The following GID4 variants were observed in gnomAD, a reference collection of about 807,000 sequenced individuals.
GID4 encodes the protein GID complex subunit 4 homolog.
Under a neutral mutation model 32.4 loss-of-function variants are expected in GID4, and 7 were observed. That is an observed-to-expected ratio of 0.22 (90% CI 0.12 to 0.41). GID4 has a LOEUF of 0.41. GID4 is among the 10% of genes least tolerant of loss of function. The pLI is 1.00. For missense variants in GID4, 309 were observed against 400.0 expected (o/e 0.77, Z 1.94); for synonymous variants, 166 against 170.0 (o/e 0.98, Z 0.18).
Position 18,039,779 on chromosome 17 carries a change from CCCG to C in GID4, c.324_326del (p.Pro109del). The C allele has an allele frequency of 6.4e-7, 1 of 1,574,602 alleles. No individual in the cohort carries two copies. Among genetic ancestry groups the C allele is most frequent in the Admixed American group, 1.8e-5 (1 of 56,182 alleles). On this transcript the variant is annotated inframe_deletion, in exon 1 of 6. Coordinates refer to ENST00000268719, the MANE Select transcript of GID4 (RefSeq NM_024052.5). This position sits in a 1 kb window ranked among gnomAD's most constrained non-coding sequence, Gnocchi z 5.3. ...CCGCTGCCTCCGCGGCCTCACTCAT[CCCG>C]CCGCCGCCCATCAACACCCAGCAGC...
chr17:18,058,561 G>A (rs532247485), intron 3 of GID4, among the ~76,000 whole-genome samples: 5 of 152,246 alleles, frequency 3.3e-5, no homozygotes, highest in Admixed American at 6.5e-5. Flanking sequence ...CTTAGCTTTC[G>A]TCTGTTTATT....
intron 2 of GID4, among the ~76,000 whole-genome samples, chr17:18,050,439 G>T (rs1443296929): frequency 6.6e-6 from 1 of 152,210 alleles, no homozygotes; most frequent in East Asian, 1.9e-4. Context: ...CCTTTCCGGG[G>T]AACCCAGCAG....
intron 3 of GID4, among the ~76,000 whole-genome samples, chr17:18,056,021 A>G (rs966064282): frequency 2.6e-5 from 4 of 151,254 alleles, no homozygotes; most frequent in African/African-American, 9.7e-5. Context: ...TGCCTGGCTA[A>G]TTTTTGTATT....
chr17:18,063,280 C>T (rs1047594889), intron 5 of GID4, among the ~76,000 whole-genome samples: 2 of 151,236 alleles, frequency 1.3e-5, no homozygotes, highest in Non-Finnish European at 1.5e-5. Context: ...CGTGCTGGTA[C>T]GCACCTGTAG....
At chr17:18,053,765 T>A (rs2044937867) in intron 2 of GID4, among the ~76,000 whole-genome samples, 1 of 152,218 alleles carries the variant, frequency 6.6e-6, no homozygotes, top group Non-Finnish European at 1.5e-5. Flanking sequence ...CCTCTTTGGG[T>A]CTAACCTTGG....
Position 18,066,486 on chromosome 17 carries a change from A to C in GID4, c.*1243A>C, listed in dbSNP as rs878915044. ...TGTGTGTGTGTGTGTGTGTGTGTGT[A>C]TGATGTTTTGTTTTTTTAAATGTTT... is the stretch of plus-strand genomic sequence containing the variant. On this transcript the variant is annotated 3_prime_UTR_variant, in exon 6 of 6. Transcript: ENST00000268719. 1.7e-5 allele frequency: 2 copies of C among 119,272 alleles called. No individual in the cohort carries two copies. The highest frequency in any genetic ancestry group is 6.2e-5 in the African/African-American group (2 of 32,010). The allele number at this position is 119,272 out of a possible 1,614,324, so 7.4% of individuals were successfully genotyped here.
rs553267905 is a variant in GID4, at chr17:18,067,468, G to T, written c.*2225G>T. On this transcript the variant is annotated 3_prime_UTR_variant, in exon 6 of 6. Coordinates refer to ENST00000268719, the MANE Select transcript of GID4 (RefSeq NM_024052.5). ...TGATGAAGTGCACCCATTGTACTGG[G>T]AAGAATGAAGAGGTGATACCTTTAC... 6.6e-6 allele frequency: 1 copy of T among 152,234 alleles called. No individual in the cohort carries two copies. Among genetic ancestry groups the T allele is most frequent in the Non-Finnish European group, 1.5e-5 (1 of 68,030 alleles). The allele number at this position is 152,234 out of a possible 1,614,324, so 9.4% of individuals were successfully genotyped here. A position where few individuals can be genotyped will look rare whatever the true frequency, so the allele number is the denominator to read the frequency against.
intron 3 of GID4, chr17:18,056,810 G>T: frequency 3.2e-6 from 5 of 1,550,624 alleles, no homozygotes; most frequent in South Asian, 1.2e-5. Context: ...GTGAGGTGTG[G>T]TTGAGCCAGG....
chr17:18,066,048 T>C lies in GID4; in HGVS notation c.*805T>C, dbSNP rs2045059041. ...AGTTTTTTTATTACAAAATTATTTT[T>C]ATGGTCCCTTTAACGAGGACCCTAT... is the stretch of plus-strand genomic sequence containing the variant. On this transcript the variant is annotated 3_prime_UTR_variant, in exon 6 of 6. Coordinates refer to ENST00000268719, the MANE Select transcript of GID4 (RefSeq NM_024052.5). 6.6e-6 allele frequency: 1 copy of C among 152,398 alleles called. No individual in the cohort carries two copies. The highest frequency in any genetic ancestry group is 6.5e-5 in the Admixed American group (1 of 15,280). The allele number at this position is 152,398 out of a possible 1,614,324, so 9.4% of individuals were successfully genotyped here.
chr17:18,054,356 T>C (rs1488914371), intron 3 of GID4, 122 bp downstream of exon 3: 4 of 597,190 alleles, frequency 6.7e-6, no homozygotes, highest in African/African-American at 1.9e-5. Context: ...AGTAAAAGGT[T>C]GCACTGCACA....
Position 18,039,430 on chromosome 17 carries a change from G to C in GID4, c.-35G>C. On this transcript the variant is annotated 5_prime_UTR_variant, in exon 1 of 6. Coordinates refer to ENST00000268719, the MANE Select transcript of GID4 (RefSeq NM_024052.5). The surrounding 1 kb of genome is among the most constrained non-coding windows in gnomAD (Gnocchi z 5.3). Reference sequence around the variant, plus strand: ...GGTGTGTGTGTGTCTGTGTGTGTTTGTGTGTTGTGTGTCTGTGAGTGTCTG... The same window carrying C: ...GGTGTGTGTGTGTCTGTGTGTGTTTCTGTGTTGTGTGTCTGTGAGTGTCTG... 7.5e-7 allele frequency: 1 copy of C among 1,331,998 alleles called. No individual in the cohort carries two copies. The highest frequency in any genetic ancestry group is 9.8e-7 in the Non-Finnish European group (1 of 1,015,590). 82.5% of individuals were successfully genotyped at this position (1,331,998 alleles called of 1,614,324 possible). A position where few individuals can be genotyped will look rare whatever the true frequency, so the allele number is the denominator to read the frequency against.
intron 5 of GID4, among the ~76,000 whole-genome samples, chr17:18,062,844 G>A (rs1344423851): frequency 6.6e-6 from 1 of 151,982 alleles, no homozygotes; most frequent in Admixed American, 6.6e-5. Context: ...GGGAGGCCGA[G>A]GCGGGTGGAT....
At chr17:18,047,788 A>G (rs533203428) in intron 2 of GID4, among the ~76,000 whole-genome samples, 17 of 152,366 alleles carry the variant, frequency 1.1e-4, no homozygotes, top group African/African-American at 4.1e-4. Flanking sequence ...TTCTTTTTAA[A>G]TAATGTTTTT....
intron 5 of GID4, among the ~76,000 whole-genome samples, chr17:18,063,293 C>T (rs1016584818): frequency 6.6e-6 from 1 of 151,870 alleles, no homozygotes; most frequent in African/African-American, 2.4e-5. Context: ...ACCTGTAGTT[C>T]CAGCTACTCA....
intron 2 of GID4, among the ~76,000 whole-genome samples, chr17:18,051,341 C>T (rs1179867033): frequency 6.6e-6 from 1 of 152,160 alleles, no homozygotes; most frequent in Admixed American, 6.6e-5. Flanking sequence ...CATCCTATCC[C>T]TTTCAAGGAA....
chr17:18,043,102 T>TA (rs1312744405), intron 1 of GID4, among the ~76,000 whole-genome samples: 2 of 152,168 alleles, frequency 1.3e-5, no homozygotes, highest in African/African-American at 4.8e-5. Context: ...AAGGAATATT[T>TA]AAAAGAACAG....
In GID4 at chr17:18,066,156, GATATCT is replaced by G. The variant is rs201501556; in HGVS notation, c.*918_*923del. 0.013 allele frequency: 1,931 copies of G among 152,464 alleles called. 23 individuals are homozygous for G. Among genetic ancestry groups the G allele is most frequent in the South Asian group, 0.025 (122 of 4,806 alleles). The allele number at this position is 152,464 out of a possible 1,614,324, so 9.4% of individuals were successfully genotyped here. A position where few individuals can be genotyped will look rare whatever the true frequency, so the allele number is the denominator to read the frequency against. ...ATGTTGACTTAGTAATTTTTATATC[GATATCT>G]ATATGTATATGTATATTTAATCAAC... On this transcript the variant is annotated 3_prime_UTR_variant, in exon 6 of 6. Coordinates refer to ENST00000268719, the MANE Select transcript of GID4 (RefSeq NM_024052.5).
chr17:18,060,384 C>A (rs1210256093), intron 4 of GID4, among the ~76,000 whole-genome samples: 4 of 111,808 alleles, frequency 3.6e-5, no homozygotes, highest in African/African-American at 1.4e-4. Flanking sequence ...GGTGACAGAG[C>A]AAGACTCTGT....
chr17:18,040,354 A>G (rs576242974), intron 1 of GID4, among the ~76,000 whole-genome samples: 1 of 152,246 alleles, frequency 6.6e-6, no homozygotes, highest in South Asian at 2.1e-4. Context: ...CAGACCTGAG[A>G]CATGTCCTCC....
Sources: gnomAD v4.1 joint callset for allele counts (sites outside exome capture counted in the v4.1 genomes callset) on GRCh38, gnomAD v4.1.1 for gene constraint, Gnocchi (gnomAD v3.1) non-coding constraint, MANE v1.5 for transcripts, NCBI Gene and HGNC (gene_info 2026-07-23, HGNC 2026-07-21) for gene names.